Variants in ORC4 observed in about 807,000 individuals in gnomAD.
The protein encoded by ORC4 is origin recognition complex, subunit 4 homolog.
Under a neutral mutation model 63.9 loss-of-function variants are expected in ORC4, and 55 were observed. That is an observed-to-expected ratio of 0.86 (90% CI 0.69 to 1.08). ORC4 has a LOEUF of 1.08. Ranked by LOEUF, ORC4 falls within the 50% of genes least tolerant of loss-of-function variation. ORC4 has a pLI of 0.00. For missense variants in ORC4, 511 were observed against 504.4 expected (o/e 1.01, Z -0.13); for synonymous variants, 150 against 168.5 (o/e 0.89, Z 0.85).
intron 1 of ORC4, among the ~76,000 whole-genome samples, chr2:147,980,228 A>T (rs1287849213): frequency 1.3e-5 from 2 of 152,118 alleles, no homozygotes; most frequent in Non-Finnish European, 2.9e-5. Flanking sequence ...AGAGGGGAAA[A>T]AAAATGCAAC....
At chr2:147,935,840 T>TA (rs901375269) in intron 13 of ORC4, 142 bp from the exon 14 acceptor site, 7 of 668,976 alleles carry the variant, frequency 1.0e-5, no homozygotes, top group African/African-American at 1.8e-5. Context: ...TCAATAGGAT[T>TA]AAAAAAACTC....
chr2:147,938,763 T>G, intron 11 of ORC4: 1 of 327,330 alleles, frequency 3.1e-6, no homozygotes, highest in Middle Eastern at 1.0e-3. Flanking sequence ...CCTAAACTCC[T>G]GGAAATTATA....
At position 147,972,995 on chromosome 2, in the gene ORC4, G is replaced by T. The variant is rs191892653; in HGVS notation, c.135-166C>A. Among the ~76,000 whole-genome samples the T allele has an allele frequency of 6.0e-4, 92 of 152,218 alleles. 2 individuals are homozygous for T. Among genetic ancestry groups the T allele is most frequent in the South Asian group, 2.9e-3 (14 of 4,824 alleles). ...TGGTCCTAAATAGAAAAATACAAAA[G>T]AAATAGTAGGGCAGTATTGATTCTC... On this transcript the variant is annotated intron_variant, in intron 3 of 13. Coordinates refer to ENST00000392857, the MANE Select transcript of ORC4 (RefSeq NM_181741.4).
rs533815198 is a variant in ORC4, at chr2:147,933,588, C to T, written c.*1922G>A. On this transcript the variant is annotated 3_prime_UTR_variant, in exon 14 of 14. Transcript: ENST00000392857. Reference sequence around the variant, plus strand: ...ATGTAGCCAATGAGACAGATGAGGGCTGTCAGCTTTTAAGTGACATCTTAA... The same window carrying T: ...ATGTAGCCAATGAGACAGATGAGGGTTGTCAGCTTTTAAGTGACATCTTAA... 1.7e-3 allele frequency: 255 copies of T among 152,188 alleles called. No individual in the cohort carries two copies. Among genetic ancestry groups the T allele is most frequent in the African/African-American group, 5.9e-3 (247 of 41,522 alleles). The allele number at this position is 152,188 out of a possible 1,614,324, so 9.4% of individuals were successfully genotyped here.
intron 7 of ORC4, 65 bp downstream of exon 7, chr2:147,955,282 T>C: frequency 8.7e-7 from 1 of 1,143,252 alleles, no homozygotes; most frequent in Non-Finnish European, 1.3e-6. Flanking sequence ...GTATTACCTT[T>C]ATAATCAGGG....
chr2:147,991,197 G>A (rs1190054178), intron 1 of ORC4, among the ~76,000 whole-genome samples: 1 of 151,702 alleles, frequency 6.6e-6, no homozygotes, highest in East Asian at 1.9e-4. Flanking sequence ...ACAGGCATGC[G>A]CCACCACGCT....
intron 4 of ORC4, among the ~76,000 whole-genome samples, chr2:147,962,266 C>T (rs2105324617): frequency 6.6e-6 from 1 of 152,302 alleles, no homozygotes; most frequent in Admixed American, 6.5e-5. Flanking sequence ...TCCCATAGTC[C>T]TAGCAAGCCC....
intron 1 of ORC4, among the ~76,000 whole-genome samples, chr2:147,978,405 G>C (rs1045646003): frequency 1.3e-5 from 2 of 152,286 alleles, no homozygotes; most frequent in African/African-American, 4.8e-5. Context: ...TCCTTGTGCA[G>C]GCAGGGTTGC....
At chr2:147,959,744 G>A (rs1364574651) in intron 4 of ORC4, among the ~76,000 whole-genome samples, 2 of 152,084 alleles carry the variant, frequency 1.3e-5, no homozygotes, top group Non-Finnish European at 2.9e-5. Flanking sequence ...TACCTGCATG[G>A]TTTTTAAAGC....
Position 147,933,748 on chromosome 2 carries a change from G to A in ORC4, c.*1762C>T, listed in dbSNP as rs1687898546. The A allele has an allele frequency of 6.6e-6, 1 of 152,068 alleles. No homozygotes were observed. Among genetic ancestry groups the A allele is most frequent in the South Asian group, 2.1e-4 (1 of 4,820 alleles). 9.4% of individuals were successfully genotyped at this position (152,068 alleles called of 1,614,324 possible). On this transcript the variant is annotated 3_prime_UTR_variant, in exon 14 of 14. Coordinates refer to ENST00000392857, the MANE Select transcript of ORC4 (RefSeq NM_181741.4). The stretch of plus-strand genomic sequence containing the variant: ...CATAAGTGTAAAATTCTTGCTTCTA[G>A]TATATAATAGTGATGTTACCATGTC...
chr2:148,001,146 C>T (rs1196429359), intron 1 of ORC4, among the ~76,000 whole-genome samples: 2 of 152,050 alleles, frequency 1.3e-5, no homozygotes, highest in South Asian at 2.1e-4. Context: ...TTTCGTTGCA[C>T]CATGGTATCA....
At chr2:147,976,691 T>C (rs1690576910) in intron 1 of ORC4, among the ~76,000 whole-genome samples, 1 of 152,182 alleles carries the variant, frequency 6.6e-6, no homozygotes, top group South Asian at 2.1e-4. Flanking sequence ...AAATAATCAT[T>C]ACAGACTAGG....
chr2:147,999,424 G>A (rs886201144), intron 1 of ORC4, among the ~76,000 whole-genome samples: 1 of 152,146 alleles, frequency 6.6e-6, no homozygotes, highest in African/African-American at 2.4e-5. Flanking sequence ...CCCTAAAGCA[G>A]GGTTTCTCAG....
chr2:147,982,727 T>C (rs1267781666), intron 1 of ORC4, among the ~76,000 whole-genome samples: 1 of 152,104 alleles, frequency 6.6e-6, no homozygotes, highest in Non-Finnish European at 1.5e-5. Flanking sequence ...TTTGACATCT[T>C]CCCCCTTCAT....
At chr2:147,969,617 T>A (rs1337478168) in intron 4 of ORC4, among the ~76,000 whole-genome samples, 1 of 151,380 alleles carries the variant, frequency 6.6e-6, no homozygotes, top group Admixed American at 6.6e-5. Context: ...GACAGAATGC[T>A]GAGAGAGGGG....
At chr2:148,003,136 A>T (rs1323031319) in intron 1 of ORC4, among the ~76,000 whole-genome samples, 2 of 152,196 alleles carry the variant, frequency 1.3e-5, no homozygotes, top group African/African-American at 4.8e-5. Flanking sequence ...ACCAACCAAA[A>T]AAAAGCCCAG....
chr2:147,975,031 T>C (rs550804070), intron 2 of ORC4, among the ~76,000 whole-genome samples: 1 of 152,206 alleles, frequency 6.6e-6, no homozygotes, highest in Admixed American at 6.5e-5. Context: ...GTAAAGCATA[T>C]TTCAGTTAAA....
chr2:147,976,254 A>T (rs1690548544), intron 1 of ORC4, among the ~76,000 whole-genome samples: 1 of 152,104 alleles, frequency 6.6e-6, no homozygotes, highest in African/African-American at 2.4e-5. Context: ...TGTGTCCAAC[A>T]AGTCGATAGG....
At chr2:148,021,446 A>G, upstream of ORC4, 1 of 566,356 alleles carries the variant, frequency 1.8e-6, no homozygotes, top group Non-Finnish European at 3.4e-6. Context: ...AGCAACACAG[A>G]CCCTTTGCTG....
Sources: gnomAD v4.1 joint callset for allele counts (sites outside exome capture counted in the v4.1 genomes callset) on GRCh38, gnomAD v4.1.1 for gene constraint, MANE v1.5 for transcripts, NCBI Gene and HGNC (gene_info 2026-07-23, HGNC 2026-07-21) for gene names.